LRRC9: variants seen among roughly 807,000 people sequenced by gnomAD.
LRRC9 encodes the protein leucine rich repeat containing 9, also known as leucine-rich repeat-containing protein 9.
In LRRC9, 122 loss-of-function variants were observed where a neutral mutation model predicts 63.2. The ratio of observed to expected loss-of-function variants is 1.93; its 90% CI spans 1.67 to 2.24. The LOEUF (loss-of-function observed/expected upper bound fraction) is 2.24. Ranked by LOEUF, LRRC9 falls within the 30% of genes most tolerant of loss-of-function variation. The pLI is 0.00. For missense variants in LRRC9, 1,071 were observed against 627.7 expected, an observed-to-expected ratio of 1.71 and a Z score of -7.55; for synonymous variants, 366 against 213.1, an observed-to-expected ratio of 1.72 and a Z score of -6.25.
chr14:60,001,409 G>C (rs1369723598), intron 19 of LRRC9, among the ~76,000 whole-genome samples: 1 of 152,076 alleles, frequency 6.6e-6, no homozygotes, highest in Non-Finnish European at 1.5e-5. Context: ...ATGAACTACA[G>C]CTACATAGAG....
intron 23 of LRRC9, among the ~76,000 whole-genome samples, chr14:60,012,335 T>C (rs4901963): frequency 0.19 from 28,661 of 152,148 alleles, 3,449 homozygotes; most frequent in East Asian, 0.49. Flanking sequence ...TATAATTACA[T>C]TGTCTTCTTT....
In LRRC9 at chr14:59,925,698, C is replaced by G. The variant is rs112016668; in HGVS notation, c.-33-2213C>G. Among the ~76,000 whole-genome samples the G allele has an allele frequency of 2.5e-4, 38 of 152,208 alleles. 2 individuals are homozygous for G. Among genetic ancestry groups the G allele is most frequent in the Admixed American group, 9.2e-4 (14 of 15,298 alleles). On this transcript the variant is annotated intron_variant, in intron 1 of 31. Coordinates refer to ENST00000445360, the Ensembl canonical transcript of LRRC9. The stretch of plus-strand genomic sequence containing the variant: ...ATTTCTCAAACTCCTTTGATTTGGT[C>G]CCTTATATATAATACACAGCTACCC...
intron 15 of LRRC9, among the ~76,000 whole-genome samples, chr14:59,981,332 G>A (rs1387865283): frequency 6.6e-6 from 1 of 152,036 alleles, no homozygotes; most frequent in Non-Finnish European, 1.5e-5. Context: ...ATTCTCTGAT[G>A]AAGTATTCTG....
intron 6 of LRRC9, among the ~76,000 whole-genome samples, chr14:59,935,667 T>C: frequency 6.6e-6 from 1 of 152,234 alleles, no homozygotes; most frequent in Non-Finnish European, 1.5e-5. Flanking sequence ...TAGCCTTGTT[T>C]GGGATGTCAG....
intron 12 of LRRC9, among the ~76,000 whole-genome samples, chr14:59,974,109 T>A (rs955726121): frequency 1.3e-5 from 2 of 152,106 alleles, no homozygotes; most frequent in Non-Finnish European, 2.9e-5. Flanking sequence ...TTAGTCACAA[T>A]ACAAACTAGG....
rs1027816806 is a variant in LRRC9, at chr14:59,964,037, C to A, written c.1212-2552C>A. 5.9e-5 allele frequency among the ~76,000 whole-genome samples: 9 copies of A among 152,070 alleles called. No individual in the cohort carries two copies. Among genetic ancestry groups the A allele is most frequent in the Non-Finnish European group, 2.9e-5 (2 of 68,022 alleles). On this transcript the variant is annotated intron_variant, in intron 10 of 31. Transcript: ENST00000445360. This position sits in a 1 kb window ranked among gnomAD's most constrained non-coding sequence, Gnocchi z 4.4. ...TATATATCATTGTGAATGTTTATAC[C>A]TTCAAGTACCACTGAATGAATGAGG...
rs547697950 is a variant in LRRC9, at chr14:59,963,229, A to G, written c.1211+2184A>G. Among the ~76,000 whole-genome samples, 224 of 152,326 alleles carry G rather than the reference A, an allele frequency of 1.5e-3. 2 individuals are homozygous for G. The highest frequency in any genetic ancestry group is 5.6e-3 in the South Asian group (27 of 4,834). On this transcript the variant is annotated intron_variant, in intron 10 of 31. Coordinates refer to ENST00000445360, the Ensembl canonical transcript of LRRC9. ...CAACAACAAAACACTGCATGTTTCT[A>G]ATTGTATGTCATTATCTCTTAGCTT...
chr14:59,944,459 C>G, intron 7 of LRRC9, 130 bp from the exon 8 acceptor site: 1 of 407,776 alleles, frequency 2.5e-6, no homozygotes, highest in Non-Finnish European at 4.3e-6. Flanking sequence ...CAGCTGTCAT[C>G]ATTATTAGTA....
In LRRC9 at chr14:59,965,491, G is replaced by A. The variant is rs111910599; in HGVS notation, c.1212-1098G>A. On this transcript the variant is annotated intron_variant, in intron 10 of 31. Coordinates refer to ENST00000445360, the Ensembl canonical transcript of LRRC9. Reference sequence around the variant, plus strand: ...AAGTTATTTCAGTAGTCCAATGAGAGATCGTGGTGATTTGGATTAGGATGG... The same window carrying A: ...AAGTTATTTCAGTAGTCCAATGAGAAATCGTGGTGATTTGGATTAGGATGG... 7.2e-3 allele frequency among the ~76,000 whole-genome samples: 1,098 copies of A among 152,280 alleles called. 6 individuals are homozygous for A. Among genetic ancestry groups the A allele is most frequent in the Non-Finnish European group, 0.011 (763 of 68,022 alleles).
chr14:60,047,590 A>C (rs1420241967), intron 29 of LRRC9, among the ~76,000 whole-genome samples: 2 of 152,208 alleles, frequency 1.3e-5, no homozygotes, highest in Non-Finnish European at 2.9e-5. Flanking sequence ...TCAATTCAAC[A>C]AGAGCTAACT....
At chr14:60,057,615 A>G (rs1894378268) in intron 30 of LRRC9, 1 of 218,230 alleles carries the variant, frequency 4.6e-6, no homozygotes, top group African/African-American at 2.3e-5. Context: ...GCGAGTTGCC[A>G]TTAAGCACTA....
intron 23 of LRRC9, among the ~76,000 whole-genome samples, chr14:60,016,038 G>A (rs1890655125): frequency 6.6e-6 from 1 of 152,048 alleles, no homozygotes; most frequent in Admixed American, 6.6e-5. Context: ...ACTTTGTCTT[G>A]TTATTTCCTT....
rs965025298 is a variant in LRRC9, at chr14:59,958,493, C to T, written c.883-1325C>T. ...CCTGCCCCAACCAAGCTCAATCGAC[C>T]CAGGTCGACTTCAGACTGCTGTGCT... On this transcript the variant is annotated intron_variant, in intron 8 of 31. Coordinates refer to ENST00000445360, the Ensembl canonical transcript of LRRC9. The surrounding 1 kb of genome is among the most constrained non-coding windows in gnomAD (Gnocchi z 4.0). 7.2e-5 allele frequency among the ~76,000 whole-genome samples: 11 copies of T among 152,162 alleles called. No homozygotes were observed. The highest frequency in any genetic ancestry group is 2.7e-4 in the African/African-American group (11 of 41,456).
intron 30 of LRRC9, among the ~76,000 whole-genome samples, chr14:60,054,493 T>G (rs1268821519): frequency 6.6e-6 from 1 of 151,770 alleles, no homozygotes; most frequent in East Asian, 1.9e-4. Flanking sequence ...AGAGAAAACA[T>G]GTAAGGAAAT....
chr14:60,022,636 T>G (rs1418963912), intron 26 of LRRC9, 98 bp from the exon 27 acceptor site: 2 of 414,106 alleles, frequency 4.8e-6, no homozygotes, highest in Admixed American at 8.4e-5. Context: ...TATATTTTCT[T>G]AACTTCAGTT....
chr14:59,925,997 C>G (rs1230812938), intron 1 of LRRC9, among the ~76,000 whole-genome samples: 3 of 152,212 alleles, frequency 2.0e-5, no homozygotes, highest in African/African-American at 7.2e-5. Context: ...ACTCAGCTCT[C>G]ATTCTGTCTC....
In LRRC9 at chr14:59,930,766, AT is replaced by A. The variant is rs1027881039; in HGVS notation, c.268-145del. 4.0e-4 allele frequency among the ~76,000 whole-genome samples: 60 copies of A among 150,832 alleles called. 1 individual carries two copies. The highest frequency in any genetic ancestry group is 1.3e-3 in the African/African-American group (54 of 41,480). On this transcript the variant is annotated intron_variant, in intron 3 of 31. Coordinates refer to ENST00000445360, the Ensembl canonical transcript of LRRC9. The surrounding 1 kb of genome is among the most constrained non-coding windows in gnomAD (Gnocchi z 4.9). ...TATTTAAATGGAAAACATGGAATAT[AT>A]TTTTTTCTTTTAAAACAGTTCATTT...
chr14:60,019,299 C>A, intron 26 of LRRC9, 39 bp downstream of exon 26: 1 of 652,554 alleles, frequency 1.5e-6, no homozygotes. Flanking sequence ...CTAATTTTGG[C>A]TGGGAATTTT....
chr14:59,959,026 A>T (rs1884093232), intron 8 of LRRC9, among the ~76,000 whole-genome samples: 1 of 152,182 alleles, frequency 6.6e-6, no homozygotes, highest in African/African-American at 2.4e-5. Context: ...GTCTCACTGG[A>T]AGCTTAAGAC....
Sources: allele counts gnomAD v4.1 joint callset (sites outside exome capture counted in the v4.1 genomes callset), GRCh38; gene constraint gnomAD v4.1.1; non-coding constraint Gnocchi (gnomAD v3.1); transcripts MANE v1.5; gene names NCBI Gene and HGNC (gene_info 2026-07-23, HGNC 2026-07-21).